The following TMCC3 variants were observed in gnomAD, a reference collection of about 807,000 sequenced individuals.
TMCC3 encodes transmembrane and coiled-coil domain family 3, also known as transmembrane and coiled-coil domain protein 3.
Under a neutral mutation model 40.2 loss-of-function variants are expected in TMCC3, and 28 were observed. That is an observed-to-expected ratio of 0.70 (90% CI 0.52 to 0.95). The LOEUF (loss-of-function observed/expected upper bound fraction) is 0.95. Among genes scored for constraint, TMCC3 ranks in the 40% least tolerant of loss-of-function variants. TMCC3 has a pLI of 0.00. For synonymous variants in TMCC3, 255 were observed against 248.5 expected (o/e 1.03, Z -0.25); for missense variants, 554 against 615.2 (o/e 0.90, Z 1.05).
intron 3 of TMCC3, 90 bp from the exon 4 acceptor site, chr12:94,571,827 C>T: frequency 2.1e-6 from 3 of 1,401,656 alleles, no homozygotes; most frequent in Non-Finnish European, 2.9e-6. Flanking sequence ...AAAGCCCCAG[C>T]TCAGAAAGCC....
In TMCC3 at chr12:94,581,822, G is replaced by A. The variant is rs199809604; in HGVS notation, c.795C>T (p.Ala265=). Residue 265 remains alanine (A), a synonymous_variant, in exon 2 of 4, where the codon GCC becomes GCT. Coordinates refer to ENST00000261226, the MANE Select transcript of TMCC3 (RefSeq NM_020698.4). ...CAAACGACTGGTTTCCGTTACTGTC[G>A]GCCGAGCCTGACGTGCCACTCGAAC... is the stretch of plus-strand genomic sequence containing the variant. ...DECSSGTSGS[A]DSNGNQSFGA... is the part of the protein sequence containing the mutation. 3.4e-5 allele frequency: 55 copies of A among 1,613,984 alleles called. No homozygotes were observed. The highest frequency in any genetic ancestry group is 4.2e-5 in the Non-Finnish European group (50 of 1,179,866).
At chr12:94,580,340 A>C (rs1271441383) in intron 2 of TMCC3, among the ~76,000 whole-genome samples, 1 of 152,200 alleles carries the variant, frequency 6.6e-6, no homozygotes, top group Non-Finnish European at 1.5e-5. Context: ...ATATAAGCCA[A>C]AGGTTTTGAA....
intron 1 of TMCC3, among the ~76,000 whole-genome samples, chr12:94,623,078 A>G (rs1306231368): frequency 6.6e-6 from 1 of 151,238 alleles, no homozygotes; most frequent in African/African-American, 2.4e-5. Flanking sequence ...CTGTTTAGCA[A>G]ACATGTGTCA....
At chr12:94,606,313 C>G (rs996711951) in intron 1 of TMCC3, among the ~76,000 whole-genome samples, 1 of 151,890 alleles carries the variant, frequency 6.6e-6, no homozygotes, top group Non-Finnish European at 1.5e-5. Context: ...GCCAAGTTCC[C>G]TAAGAACCAT....
intron 1 of TMCC3, among the ~76,000 whole-genome samples, chr12:94,637,953 A>G (rs567529097): frequency 6.8e-4 from 103 of 152,236 alleles, no homozygotes; most frequent in African/African-American, 2.2e-3. Flanking sequence ...GAACACAACT[A>G]TCTCCATGAG....
chr12:94,585,871 G>A (rs2138830889), intron 1 of TMCC3, among the ~76,000 whole-genome samples: 1 of 152,298 alleles, frequency 6.6e-6, no homozygotes. Context: ...CAGACTGCAA[G>A]CTCCTTTGGG....
chr12:94,598,067 G>A lies in TMCC3; in HGVS notation c.79-15529C>T, dbSNP rs191689558. Among the ~76,000 whole-genome samples the A allele has an allele frequency of 7.9e-5, 12 of 152,274 alleles. No individual in the cohort carries two copies. In the East Asian group the frequency reaches 2.1e-3, roughly 27 times the overall value. ...GTTTATCAGAAAAGAGAAGCCACCA[G>A]TTACTAAAGACTTATCAGCATCAAA... On this transcript the variant is annotated intron_variant, in intron 1 of 3. Coordinates refer to ENST00000261226, the MANE Select transcript of TMCC3 (RefSeq NM_020698.4).
At chr12:94,644,796 T>C (rs192388367) in intron 1 of TMCC3, among the ~76,000 whole-genome samples, 1 of 152,320 alleles carries the variant, frequency 6.6e-6, no homozygotes. Context: ...AAGCATGTGA[T>C]CATCAACTTA....
At chr12:94,583,220 C>T (rs12828600) in intron 1 of TMCC3, among the ~76,000 whole-genome samples, 6,809 of 149,090 alleles carry the variant, frequency 0.046, 200 homozygotes, top group Non-Finnish European at 0.065. Context: ...GGGGGCGTGG[C>T]GCTGCTGGGC....
chr12:94,646,431 C>CTTTTTTTT (rs34398994), intron 1 of TMCC3, among the ~76,000 whole-genome samples: 5 of 90,718 alleles, frequency 5.5e-5, no homozygotes, highest in East Asian at 3.2e-4. Context: ...AAGCACACAC[C>CTTTTTTTT]TTTTTTTTTT....
intron 1 of TMCC3, among the ~76,000 whole-genome samples, chr12:94,610,196 TACAA>T (rs2068807278): frequency 6.6e-6 from 1 of 152,194 alleles, no homozygotes; most frequent in Non-Finnish European, 1.5e-5. Flanking sequence ...CTAATCAGGT[TACAA>T]ACAAATAATC....
chr12:94,574,750 C>T (rs149358648), intron 3 of TMCC3, among the ~76,000 whole-genome samples: 197 of 152,288 alleles, frequency 1.3e-3, no homozygotes, highest in African/African-American at 3.8e-3. Context: ...ATCATGTGTT[C>T]TTTTCAACTA....
At chr12:94,625,921 T>C (rs530516336) in intron 1 of TMCC3, among the ~76,000 whole-genome samples, 2 of 152,340 alleles carry the variant, frequency 1.3e-5, no homozygotes, top group South Asian at 4.1e-4. Flanking sequence ...CCTCAGAATG[T>C]TGATAAAATC....
intron 1 of TMCC3, among the ~76,000 whole-genome samples, chr12:94,645,091 A>G (rs1293861808): frequency 6.6e-6 from 1 of 152,252 alleles, no homozygotes. Context: ...CACAGAGACC[A>G]GACTGTTTCA....
At chr12:94,623,407 T>C (rs1339860212) in intron 1 of TMCC3, among the ~76,000 whole-genome samples, 2 of 152,210 alleles carry the variant, frequency 1.3e-5, no homozygotes, top group South Asian at 4.1e-4. Flanking sequence ...TCAGAAAGCT[T>C]AAGTACTTAA....
chr12:94,571,800 T>C lies in TMCC3; in HGVS notation c.1132-63A>G, dbSNP rs960120005. 107 of 1,560,680 alleles carry C rather than the reference T, an allele frequency of 6.9e-5. 1 individual carries two copies. In the African/African-American group the frequency reaches 1.4e-3, roughly 20 times the overall value. Reference sequence around the variant, plus strand: ...GGGATGGTGAGCAACACGTGAGTGCTCGCTCAGCTGTACACAAAAGCCCCA... The same window carrying C: ...GGGATGGTGAGCAACACGTGAGTGCCCGCTCAGCTGTACACAAAAGCCCCA... On this transcript the variant is annotated intron_variant, in intron 3 of 3. Coordinates refer to ENST00000261226, the MANE Select transcript of TMCC3 (RefSeq NM_020698.4).
intron 1 of TMCC3, among the ~76,000 whole-genome samples, chr12:94,645,582 C>G (rs1338269821): frequency 6.6e-6 from 1 of 152,124 alleles, no homozygotes; most frequent in African/African-American, 2.4e-5. Flanking sequence ...GGATTACAGG[C>G]ACCTGCCACC....
At chr12:94,633,524 T>G (rs902031362) in intron 1 of TMCC3, among the ~76,000 whole-genome samples, 1 of 152,240 alleles carries the variant, frequency 6.6e-6, no homozygotes, top group African/African-American at 2.4e-5. Flanking sequence ...TGGTTAATGA[T>G]TACGGTTTTC....
intron 1 of TMCC3, among the ~76,000 whole-genome samples, chr12:94,638,792 A>ATCTTG (rs2068974186): frequency 6.6e-6 from 1 of 152,238 alleles, no homozygotes; most frequent in African/African-American, 2.4e-5. Context: ...GACAGAGAAA[A>ATCTTG]GGGACTTTTG....
Sources: allele counts gnomAD v4.1 joint callset (sites outside exome capture counted in the v4.1 genomes callset), GRCh38; gene constraint gnomAD v4.1.1; transcripts MANE v1.5; gene names NCBI Gene and HGNC (gene_info 2026-07-23, HGNC 2026-07-21).